PACRGL: variants seen among roughly 807,000 people sequenced by gnomAD.
PACRGL encodes parkin coregulated like, also known as PACRG-like protein.
A neutral mutation model predicts 34.5 loss-of-function variants in PACRGL; 38 were observed. The observed-to-expected ratio is 1.10, with a 90% confidence interval of 0.85 to 1.44. The LOEUF is 1.44. PACRGL is among the 40% of genes most tolerant of loss of function. The pLI, the probability that PACRGL is intolerant of heterozygous loss-of-function variation, is 0.00. For synonymous variants in PACRGL, 128 were observed against 100.1 expected (o/e 1.28, Z -1.66); for missense variants, 305 against 281.4 (o/e 1.08, Z -0.60).
At chr4:20,756,587 T>G (rs1046484097), downstream of PACRGL, among the ~76,000 whole-genome samples, 3 of 151,982 alleles carry the variant, frequency 2.0e-5, no homozygotes, top group Admixed American at 2.0e-4. Flanking sequence ...TCTCTATTGG[T>G]TGTCGCTGTT....
chr4:20,710,975 C>T (rs1180305429), intron 5 of PACRGL, among the ~76,000 whole-genome samples: 2 of 151,874 alleles, frequency 1.3e-5, no homozygotes, highest in African/African-American at 2.4e-5. Flanking sequence ...ATCACTTGAG[C>T]CCAGGAGTTT....
intron 5 of PACRGL, among the ~76,000 whole-genome samples, chr4:20,711,636 A>G (rs1737250305): frequency 1.3e-5 from 2 of 152,166 alleles, no homozygotes; most frequent in Non-Finnish European, 2.9e-5. Flanking sequence ...AGCTGATTAT[A>G]TTTCTTCATA....
chr4:20,742,722 A>G (rs1292550152), intron 8 of PACRGL, among the ~76,000 whole-genome samples: 2 of 152,184 alleles, frequency 1.3e-5, no homozygotes, highest in Non-Finnish European at 2.9e-5. Context: ...CAGGGCAATC[A>G]GGCAGGAGAA....
In PACRGL at chr4:20,720,697, G is replaced by A. The variant is rs1462522277; in HGVS notation, c.610-4111G>A. 1.3e-5 allele frequency among the ~76,000 whole-genome samples: 2 copies of A among 152,172 alleles called. 1 individual carries two copies. Among genetic ancestry groups the A allele is most frequent in the Non-Finnish European group, 2.9e-5 (2 of 68,026 alleles). ...TAGAGTGTCTGCCACGAGTTCTGCT[G>A]TTAGTCTGATGGGCTTCCCTTTGTG... On this transcript the variant is annotated intron_variant, in intron 7 of 8. Transcript: ENST00000503585.
At chr4:20,716,847 C>T (rs1044908664) in intron 7 of PACRGL, among the ~76,000 whole-genome samples, 15 of 152,074 alleles carry the variant, frequency 9.9e-5, no homozygotes, top group African/African-American at 3.6e-4. Flanking sequence ...GGGTATATAC[C>T]CAGTAATGGG....
At chr4:20,761,106 C>T in the PACRGL span, among the ~76,000 whole-genome samples, 5 of 152,266 alleles carry the variant, frequency 3.3e-5, no homozygotes, top group Non-Finnish European at 5.9e-5. Context: ...AGAACAAAGA[C>T]GGACCTTCCC....
At chr4:20,752,589 C>T (rs182688559) in exon 9 of PACRGL, 1 of 152,172 alleles carries the variant, frequency 6.6e-6, no homozygotes, top group East Asian at 1.9e-4. Flanking sequence ...GTCTAGGTGA[C>T]GAGTTCTAAT....
intron 5 of PACRGL, among the ~76,000 whole-genome samples, chr4:20,710,622 A>G (rs1023357717): frequency 6.6e-6 from 1 of 152,136 alleles, no homozygotes; most frequent in Non-Finnish European, 1.5e-5. Context: ...TTAGGTTAAT[A>G]TCATTTGCTT....
rs138679646 is a variant in PACRGL at position 20,709,137 on chromosome 4, C to G, written c.276-546C>G. Among the ~76,000 whole-genome samples the G allele has an allele frequency of 3.2e-3, 483 of 152,140 alleles. 1 individual carries two copies. Among genetic ancestry groups the G allele is most frequent in the Middle Eastern group, 0.017 (5 of 294 alleles). On this transcript the variant is annotated intron_variant, in intron 4 of 8. Coordinates refer to ENST00000503585, the MANE Select transcript of PACRGL (RefSeq NM_001258345.3). ...CTGGGCAACAAGAGTGAAACTTCGT[C>G]TCAAAAAAAAGCAGTTAAAAGAAGC...
intron 7 of PACRGL, chr4:20,716,063 T>A (rs1372015357): frequency 6.7e-7 from 1 of 1,495,666 alleles, no homozygotes; most frequent in Non-Finnish European, 8.8e-7. Flanking sequence ...AGAGACCTTT[T>A]CCTGATATGT....
At chr4:20,762,242 T>A in the PACRGL span, among the ~76,000 whole-genome samples, 1 of 152,140 alleles carries the variant, frequency 6.6e-6, no homozygotes, top group Non-Finnish European at 1.5e-5. Context: ...GGGTCTTTTA[T>A]AAAAGGACAC....
At chr4:20,764,905 T>A in the PACRGL span, among the ~76,000 whole-genome samples, 1 of 152,090 alleles carries the variant, frequency 6.6e-6, no homozygotes. Context: ...TTATTGAGGA[T>A]AAAATAAACA....
At chr4:20,734,990 C>T (rs891606443), downstream of PACRGL, among the ~76,000 whole-genome samples, 1 of 152,152 alleles carries the variant, frequency 6.6e-6, no homozygotes. Flanking sequence ...TGCGTACCCA[C>T]ACAGCTAGAG....
chr4:20,700,141 G>A (rs1731570451), upstream of PACRGL, among the ~76,000 whole-genome samples: 1 of 152,196 alleles, frequency 6.6e-6, no homozygotes, highest in Non-Finnish European at 1.5e-5. Flanking sequence ...TGAGTATTAA[G>A]TGTGCGAGAA....
chr4:20,754,104 T>C (rs149276947), downstream of PACRGL, among the ~76,000 whole-genome samples: 356 of 152,310 alleles, frequency 2.3e-3, 8 homozygotes, highest in South Asian at 0.047. Flanking sequence ...GAAGTTTTTG[T>C]GTAACCATAT....
chr4:20,703,508 GTGTT>G (rs57367849), intron 1 of PACRGL, among the ~76,000 whole-genome samples: 7,648 of 109,984 alleles, frequency 0.07, 229 homozygotes, highest in East Asian at 0.2. Context: ...GTGTGTGTGT[GTGTT>G]TGTGTGTGTG....
Position 20,727,552 on chromosome 4 carries a change from T to A in PACRGL, c.*211T>A. Reference sequence around the variant, plus strand: ...TAAAATAAGTTCTATAAGAGTACAATTTTGAGGTTTATTTTTTGTATTTTT... The same window carrying A: ...TAAAATAAGTTCTATAAGAGTACAAATTTGAGGTTTATTTTTTGTATTTTT... On this transcript the variant is annotated 3_prime_UTR_variant, in exon 9 of 9. Coordinates refer to ENST00000503585, the MANE Select transcript of PACRGL (RefSeq NM_001258345.3). 2.3e-6 allele frequency: 1 copy of A among 433,694 alleles called. No individual in the cohort carries two copies. The highest frequency in any genetic ancestry group is 4.1e-6 in the Non-Finnish European group (1 of 242,692). The allele number at this position is 433,694 out of a possible 1,614,324, so 26.9% of individuals were successfully genotyped here. A position where few individuals can be genotyped will look rare whatever the true frequency, so the allele number is the denominator to read the frequency against.
chr4:20,732,514 T>C lies in PACRGL; in HGVS notation c.*5173T>C, dbSNP rs577948222. Among the ~76,000 whole-genome samples, 19 of 152,200 alleles carry C rather than the reference T, an allele frequency of 1.2e-4. No homozygotes were observed. The highest frequency in any genetic ancestry group is 2.5e-4 in the Non-Finnish European group (17 of 68,028). On this transcript the variant is annotated 3_prime_UTR_variant, in exon 9 of 9. Coordinates refer to ENST00000503585, the MANE Select transcript of PACRGL (RefSeq NM_001258345.3). ...TGTTCAATAAATGCAGTTATCAGCA[T>C]TGTAAATTCAAAACCAAAGCTATTA...
intron 3 of PACRGL, among the ~76,000 whole-genome samples, chr4:20,706,021 T>G (rs1028518892): frequency 2.1e-4 from 32 of 151,374 alleles, no homozygotes; most frequent in African/African-American, 6.8e-4. Context: ...AGTTAAAAAA[T>G]TTTTTGAAAC....
Sources: gnomAD v4.1 joint callset for allele counts (sites outside exome capture counted in the v4.1 genomes callset) on GRCh38, gnomAD v4.1.1 for gene constraint, MANE v1.5 for transcripts, NCBI Gene and HGNC (gene_info 2026-07-23, HGNC 2026-07-21) for gene names.